PLXNA2: variants seen among roughly 807,000 people sequenced by gnomAD.
PLXNA2 encodes plexin A2, also known as plexin-A2.
In PLXNA2, 91 loss-of-function variants were observed where a neutral mutation model predicts 193.5. That is an observed-to-expected ratio of 0.47 (90% CI 0.40 to 0.56). The LOEUF (loss-of-function observed/expected upper bound fraction) is 0.56, where lower values mean the gene tolerates loss of function less well. Among genes scored for constraint, PLXNA2 ranks in the 20% least tolerant of loss-of-function variants. The probability of loss-of-function intolerance (pLI) is 0.00; values close to 1 mark genes in which losing one functional copy is unlikely to be tolerated. For missense variants in PLXNA2, 1,995 were observed against 2,503.2 expected (o/e 0.80, Z 4.33); for synonymous variants, 997 against 1,027.3 (o/e 0.97, Z 0.56).
chr1:208,185,469 T>C (rs1381490486), intron 3 of PLXNA2, among the ~76,000 whole-genome samples: 1 of 151,958 alleles, frequency 6.6e-6, no homozygotes, highest in African/African-American at 2.4e-5. Context: ...TGGCAAGAAT[T>C]CCCTACAATC....
At chr1:208,218,405 G>A (rs1392275759) in intron 1 of PLXNA2, among the ~76,000 whole-genome samples, 1 of 152,114 alleles carries the variant, frequency 6.6e-6, no homozygotes, top group Non-Finnish European at 1.5e-5. Context: ...AGTCGCTCCT[G>A]TTTTTTGAAA....
chr1:208,151,110 A>T (rs968263313), intron 3 of PLXNA2, among the ~76,000 whole-genome samples: 3 of 152,254 alleles, frequency 2.0e-5, no homozygotes, highest in Non-Finnish European at 4.4e-5. Context: ...CAGTGGAGAC[A>T]GCCGAAGCAT....
At chr1:208,169,777 C>A (rs1222409240) in intron 3 of PLXNA2, among the ~76,000 whole-genome samples, 1 of 151,478 alleles carries the variant, frequency 6.6e-6, no homozygotes, top group Non-Finnish European at 1.5e-5. Context: ...GATTATGGTG[C>A]AAATCAAGTA....
In PLXNA2 at chr1:208,052,308, C is replaced by T. The variant is rs1665289929; in HGVS notation, c.2993+19G>A. ...TCCCAGATGTGCAGTCTTCTGGTGG[C>T]CCTTCAAGTTTATCTCACCCGTAGA... On this transcript the variant is annotated intron_variant, in intron 15 of 31. Coordinates refer to ENST00000367033, the MANE Select transcript of PLXNA2 (RefSeq NM_025179.4). The T allele has an allele frequency of 6.2e-7, 1 of 1,610,608 alleles. No homozygotes were observed. The highest frequency in any genetic ancestry group is 8.5e-7 in the Non-Finnish European group (1 of 1,179,482).
intron 13 of PLXNA2, among the ~76,000 whole-genome samples, chr1:208,057,137 G>T (rs560236079): frequency 2.0e-5 from 3 of 152,266 alleles, no homozygotes; most frequent in African/African-American, 4.8e-5. Context: ...ATAATAATAA[G>T]AACTACAGTT....
chr1:208,083,982 G>C (rs1215461191), intron 10 of PLXNA2, among the ~76,000 whole-genome samples: 1 of 152,068 alleles, frequency 6.6e-6, no homozygotes, highest in African/African-American at 2.4e-5. Context: ...AGACAAAGAG[G>C]TGCTCTTTCA....
rs758771333 is a variant in PLXNA2 at position 208,034,592 on chromosome 1, C to A, written c.4765G>T (p.Val1589Leu). ...KRLNTLMHYQVSDRSVVALVP... is the reference protein window; with the variant it reads ...KRLNTLMHYQLSDRSVVALVP... The stretch of plus-strand genomic sequence containing the variant: ...AGAGCCACCACCGACCTGTCTGACA[C>A]CTGAGAAGGGTACAAAAGGTACAGT... Residue 1589 changes from valine to leucine, a missense_variant and splice_region_variant, in exon 27 of 32, where the codon GTG becomes TTG. By Grantham distance (32) the Val-to-Leu change is conservative (BLOSUM62 1). Transcript: ENST00000367033. 6.2e-7 allele frequency: 1 copy of A among 1,600,406 alleles called. No homozygotes were observed. Among genetic ancestry groups the A allele is most frequent in the Non-Finnish European group, 8.6e-7 (1 of 1,167,610 alleles).
chr1:208,074,267 G>C (rs551903369), intron 12 of PLXNA2, among the ~76,000 whole-genome samples: 1 of 152,306 alleles, frequency 6.6e-6, no homozygotes, highest in Admixed American at 6.5e-5. Flanking sequence ...CTGAAGCATA[G>C]GCTGGGGGAA....
intron 9 of PLXNA2, among the ~76,000 whole-genome samples, chr1:208,090,288 G>A (rs1035514138): frequency 3.9e-5 from 6 of 152,144 alleles, no homozygotes; most frequent in African/African-American, 4.8e-5. Flanking sequence ...GGAGACAAAG[G>A]GGACTGCTCT....
chr1:208,137,024 C>A (rs1166341952), intron 4 of PLXNA2, among the ~76,000 whole-genome samples: 2 of 152,124 alleles, frequency 1.3e-5, no homozygotes, highest in East Asian at 3.9e-4. Context: ...ATTATCAAAA[C>A]CATATACTTA....
In PLXNA2 at chr1:208,216,907, A is replaced by T; in HGVS notation, c.1016T>A (p.Phe339Tyr). ...GTGATACTGCTTCTGCCCTTTGGAG[A>T]AGATGGCAAAGAGTACATCGTCCTG... is the stretch of plus-strand genomic sequence containing the variant. ...TSQDDVLFAI[F>Y]SKGQKQYHHP... is the part of the protein sequence containing the mutation. Residue 339 changes from phenylalanine to tyrosine, a missense_variant, in exon 2 of 32, where the codon TTC becomes TAC. Phe to Tyr is a conservative substitution (Grantham distance 22). Transcript: ENST00000367033. 1 of 1,614,122 alleles carries T rather than the reference A, an allele frequency of 6.2e-7. No homozygotes were observed. Among genetic ancestry groups the T allele is most frequent in the Non-Finnish European group, 8.5e-7 (1 of 1,180,008 alleles).
Position 208,087,009 on chromosome 1 carries a change from GAGAGAGAC to G in PLXNA2, c.2098-2437_2098-2430del, listed in dbSNP as rs796792889. ...TGTGTGTGAGAGAGAGAGAGAGAGAGAGAGAGACAGACAGACAGACAGAGAGACAGAGA... is the reference window on the plus strand; with the variant it reads ...TGTGTGTGAGAGAGAGAGAGAGAGAGAGACAGACAGACAGAGAGACAGAGA... On this transcript the variant is annotated intron_variant, in intron 9 of 31. Coordinates refer to ENST00000367033, the MANE Select transcript of PLXNA2 (RefSeq NM_025179.4). Among the ~76,000 whole-genome samples, 45 of 130,114 alleles carry G rather than the reference GAGAGAGAC, an allele frequency of 3.5e-4. No individual in the cohort carries two copies. The East Asian group carries it at 3.6e-3, about 11-fold the overall frequency. The allele number at this position is 130,114 out of a possible 152,430, so 85.4% of individuals were successfully genotyped here. A position where few individuals can be genotyped will look rare whatever the true frequency, so the allele number is the denominator to read the frequency against.
At chr1:208,041,920 T>C (rs577304285) in intron 22 of PLXNA2, among the ~76,000 whole-genome samples, 178 bp downstream of exon 22, 65 of 152,314 alleles carry the variant, frequency 4.3e-4, no homozygotes, top group Non-Finnish European at 6.8e-4. Context: ...GTAGTCTCCC[T>C]GGGCTGAGGG....
intron 2 of PLXNA2, among the ~76,000 whole-genome samples, chr1:208,213,793 C>G (rs1306276095): frequency 6.6e-6 from 1 of 152,220 alleles, no homozygotes; most frequent in African/African-American, 2.4e-5. Flanking sequence ...GCAGCCCTTG[C>G]ACCAGAAGGG....
intron 12 of PLXNA2, among the ~76,000 whole-genome samples, chr1:208,077,326 G>C (rs375439291): frequency 2.0e-5 from 3 of 152,338 alleles, no homozygotes; most frequent in Admixed American, 2.0e-4. Context: ...ACCTCGGGGG[G>C]TTAATTAGCC....
At chr1:208,219,637 C>G (rs78694025) in intron 1 of PLXNA2, among the ~76,000 whole-genome samples, 6,123 of 152,296 alleles carry the variant, frequency 0.04, 196 homozygotes, top group Middle Eastern at 0.11. Context: ...AGAGAATCCC[C>G]TAGAGTTTCT....
chr1:208,181,109 G>A (rs1437938833), intron 3 of PLXNA2, among the ~76,000 whole-genome samples: 2 of 152,206 alleles, frequency 1.3e-5, no homozygotes, highest in Non-Finnish European at 2.9e-5. Flanking sequence ...GCATGTGGGA[G>A]GTTCTCTGGA....
intron 4 of PLXNA2, among the ~76,000 whole-genome samples, chr1:208,124,729 G>T (rs953751510): frequency 5.3e-5 from 8 of 150,690 alleles, no homozygotes; most frequent in African/African-American, 1.9e-4. Context: ...TATGTTTTAG[G>T]CAAGCCCAAC....
chr1:208,188,798 A>C (rs1437487335), intron 3 of PLXNA2, among the ~76,000 whole-genome samples: 2 of 152,138 alleles, frequency 1.3e-5, no homozygotes, highest in African/African-American at 4.8e-5. Context: ...GAAATGTGAG[A>C]GTATACTGCA....
Sources: allele counts gnomAD v4.1 joint callset (sites outside exome capture counted in the v4.1 genomes callset), GRCh38; gene constraint gnomAD v4.1.1; transcripts MANE v1.5; gene names NCBI Gene and HGNC (gene_info 2026-07-23, HGNC 2026-07-21).